Variants in LGSN observed in about 807,000 individuals in gnomAD.
LGSN encodes the protein lengsin, lens protein with glutamine synthetase domain.
In LGSN, 21 loss-of-function variants were observed where a neutral mutation model predicts 19.5. The observed-to-expected ratio is 1.07, with a 90% CI of 0.76 to 1.55. LGSN has a LOEUF of 1.55. LGSN is among the 40% of genes most tolerant of loss of function. LGSN has a pLI of 0.00. For missense variants in LGSN, 673 were observed against 608.5 expected, an observed-to-expected ratio of 1.11 and a Z score of -1.12; for synonymous variants, 257 against 215.6, an observed-to-expected ratio of 1.19 and a Z score of -1.68.
intron 2 of LGSN, among the ~76,000 whole-genome samples, chr6:63,290,746 A>G (rs898461812): frequency 1.3e-5 from 2 of 152,218 alleles, no homozygotes; most frequent in African/African-American, 4.8e-5. Flanking sequence ...CTCATTTAGC[A>G]CAATGTCATT....
the LGSN span, among the ~76,000 whole-genome samples, chr6:63,546,953 T>C: frequency 6.6e-6 from 1 of 152,212 alleles, no homozygotes; most frequent in Non-Finnish European, 1.5e-5. Flanking sequence ...ATATATTTAA[T>C]TTTTGTCAAT....
At chr6:63,491,921 C>G in the LGSN span, among the ~76,000 whole-genome samples, 1 of 151,624 alleles carries the variant, frequency 6.6e-6, no homozygotes, top group African/African-American at 2.4e-5. Flanking sequence ...CCCATCTACT[C>G]GGGAGGCTGA....
chr6:63,439,155 G>A, the LGSN span, among the ~76,000 whole-genome samples: 1 of 151,920 alleles, frequency 6.6e-6, no homozygotes, highest in African/African-American at 2.4e-5. Context: ...ATTGAACAAT[G>A]AGAACACATG....
the LGSN span, among the ~76,000 whole-genome samples, chr6:63,450,179 T>A: frequency 7.3e-6 from 1 of 137,380 alleles, no homozygotes; most frequent in African/African-American, 2.6e-5. Context: ...AAACCCCATC[T>A]CTACTAAAAA....
chr6:63,501,314 A>G, the LGSN span, among the ~76,000 whole-genome samples: 1 of 150,108 alleles, frequency 6.7e-6, no homozygotes, highest in Non-Finnish European at 1.5e-5. Flanking sequence ...GTGAGCCGAG[A>G]TTGTACCATT....
chr6:63,400,915 A>C, the LGSN span, among the ~76,000 whole-genome samples: 1 of 151,938 alleles, frequency 6.6e-6, no homozygotes, highest in African/African-American at 2.4e-5. Flanking sequence ...AATCACTTGA[A>C]CCCAGGAGGT....
intron 1 of LGSN, among the ~76,000 whole-genome samples, chr6:63,301,478 G>T (rs961777957): frequency 6.6e-6 from 1 of 152,044 alleles, no homozygotes; most frequent in African/African-American, 2.4e-5. Context: ...GGATATTCAA[G>T]GTTGGGGGAA....
At chr6:63,491,868 A>C in the LGSN span, among the ~76,000 whole-genome samples, 100 of 152,246 alleles carry the variant, frequency 6.6e-4, no homozygotes, top group Non-Finnish European at 1.3e-3. Flanking sequence ...TCTCTACTAA[A>C]AATACAAAAA....
chr6:63,507,528 T>A, the LGSN span, among the ~76,000 whole-genome samples: 1 of 152,172 alleles, frequency 6.6e-6, no homozygotes, highest in Non-Finnish European at 1.5e-5. Flanking sequence ...TCTAGTTGCA[T>A]AGTCACCTGG....
the LGSN span, among the ~76,000 whole-genome samples, chr6:63,486,924 C>T: frequency 5.9e-5 from 9 of 151,828 alleles, no homozygotes; most frequent in Admixed American, 3.9e-4. Context: ...TAACCTCCAC[C>T]TCCCGGGTTC....
the LGSN span, among the ~76,000 whole-genome samples, chr6:63,505,629 G>GAAATAAATAAAT: frequency 8.6e-3 from 759 of 87,906 alleles, 80 homozygotes; most frequent in African/African-American, 0.019. Context: ...AAGAAAGAAA[G>GAAATAAATAAAT]AAAGAAATTC....
chr6:63,300,797 T>G (rs978505167), intron 1 of LGSN, among the ~76,000 whole-genome samples: 20 of 152,238 alleles, frequency 1.3e-4, no homozygotes, highest in African/African-American at 4.8e-4. Flanking sequence ...CTTATTTGTA[T>G]ATGATATTGA....
chr6:63,389,632 C>T, the LGSN span, among the ~76,000 whole-genome samples: 1 of 152,202 alleles, frequency 6.6e-6, no homozygotes, highest in Non-Finnish European at 1.5e-5. Flanking sequence ...GTATACAAAA[C>T]TCTTGGTTGC....
At chr6:63,560,024 TA>T in the LGSN span, among the ~76,000 whole-genome samples, 1 of 152,160 alleles carries the variant, frequency 6.6e-6, no homozygotes, top group Non-Finnish European at 1.5e-5. Context: ...CATGAAAGAC[TA>T]AGGAAGGTAC....
chr6:63,518,107 G>A, the LGSN span, among the ~76,000 whole-genome samples: 1 of 144,528 alleles, frequency 6.9e-6, no homozygotes, highest in Non-Finnish European at 1.5e-5. Flanking sequence ...AGCCCAGATA[G>A]TACCATATCG....
At chr6:63,373,446 C>G in the LGSN span, among the ~76,000 whole-genome samples, 5 of 152,134 alleles carry the variant, frequency 3.3e-5, no homozygotes, top group African/African-American at 1.2e-4. Flanking sequence ...ATTTTCCTTA[C>G]CCGCTTCTCC....
the LGSN span, among the ~76,000 whole-genome samples, chr6:63,329,298 G>A: frequency 1.3e-5 from 2 of 152,166 alleles, no homozygotes; most frequent in African/African-American, 4.8e-5. Flanking sequence ...GAGTCAGAGT[G>A]CAGGGGAATA....
At chr6:63,398,771 C>T in the LGSN span, among the ~76,000 whole-genome samples, 29 of 152,140 alleles carry the variant, frequency 1.9e-4, no homozygotes, top group Admixed American at 1.2e-3. Flanking sequence ...CTGACTTACT[C>T]AGAAAAACTT....
chr6:63,329,818 G>A, the LGSN span, among the ~76,000 whole-genome samples: 2 of 152,182 alleles, frequency 1.3e-5, no homozygotes, highest in Admixed American at 6.5e-5. Flanking sequence ...TAACAAGAAA[G>A]GCATGTGAAA....
Sources: gnomAD v4.1 joint callset for allele counts (sites outside exome capture counted in the v4.1 genomes callset) on GRCh38, gnomAD v4.1.1 for gene constraint, MANE v1.5 for transcripts, NCBI Gene and HGNC (gene_info 2026-07-23, HGNC 2026-07-21) for gene names.